AGBL1: variants seen among roughly 807,000 people sequenced by gnomAD.
The protein encoded by AGBL1 is AGBL carboxypeptidase 1.
In AGBL1, 130 loss-of-function variants were observed where a neutral mutation model predicts 118.9. The observed-to-expected ratio is 1.09, with a 90% confidence interval of 0.95 to 1.26. The LOEUF is 1.26. AGBL1 is among the 50% of genes most tolerant of loss of function. The pLI is 0.00. For missense variants in AGBL1, 1,584 were observed against 1,298.1 expected (o/e 1.22, Z -3.38); for synonymous variants, 555 against 478.9 (o/e 1.16, Z -2.08).
chr15:86,655,703 C>A (rs954882926), intron 21 of AGBL1, among the ~76,000 whole-genome samples: 1 of 152,162 alleles, frequency 6.6e-6, no homozygotes, highest in Admixed American at 6.6e-5. Flanking sequence ...TTGCTGTTGT[C>A]ACTTGCTGGG....
intron 23 of AGBL1, chr15:86,939,858 G>C (rs2080725277): frequency 6.8e-6 from 1 of 147,504 alleles, no homozygotes; most frequent in Non-Finnish European, 1.5e-5. Flanking sequence ...CCATGGGAGA[G>C]AATAGAGTAC....
At chr15:86,690,563 G>T (rs913568364) in intron 22 of AGBL1, among the ~76,000 whole-genome samples, 4 of 152,158 alleles carry the variant, frequency 2.6e-5, no homozygotes, top group Non-Finnish European at 5.9e-5. Context: ...AGGTAGGTTT[G>T]AAAAGTGGCA....
At chr15:86,383,674 C>T (rs1448359812) in intron 17 of AGBL1, among the ~76,000 whole-genome samples, 1 of 152,312 alleles carries the variant, frequency 6.6e-6, no homozygotes, top group Non-Finnish European at 1.5e-5. Context: ...TGCCGTTCTT[C>T]GCTGACGTGT....
At chr15:86,328,474 T>C (rs2141856971) in intron 17 of AGBL1, among the ~76,000 whole-genome samples, 1 of 152,310 alleles carries the variant, frequency 6.6e-6, no homozygotes, top group Non-Finnish European at 1.5e-5. Flanking sequence ...TTTTCCAAGA[T>C]GGCAGATTAG....
chr15:86,614,211 C>G (rs945788461), intron 21 of AGBL1, among the ~76,000 whole-genome samples: 1 of 152,218 alleles, frequency 6.6e-6, no homozygotes. Context: ...CTGTTATACT[C>G]TGCCCCTAAT....
intron 22 of AGBL1, among the ~76,000 whole-genome samples, chr15:86,753,711 TCTAA>T (rs745546376): frequency 3.9e-5 from 6 of 152,056 alleles, no homozygotes; most frequent in Non-Finnish European, 7.4e-5. Context: ...AGGCTGTCTT[TCTAA>T]CTGTCAATCA....
intron 19 of AGBL1, among the ~76,000 whole-genome samples, chr15:86,525,913 C>T (rs1263342592): frequency 1.3e-5 from 2 of 152,024 alleles, no homozygotes; most frequent in Non-Finnish European, 2.9e-5. Context: ...AAAGAAATAA[C>T]AGAGTAAACA....
chr15:86,849,694 T>A (rs559034418), intron 22 of AGBL1, among the ~76,000 whole-genome samples: 3 of 152,294 alleles, frequency 2.0e-5, no homozygotes, highest in African/African-American at 7.2e-5. Flanking sequence ...GCTCCAGAAG[T>A]GACAGGCATG....
At chr15:86,105,686 G>C (rs896936513) in intron 1 of AGBL1, among the ~76,000 whole-genome samples, 1 of 152,196 alleles carries the variant, frequency 6.6e-6, no homozygotes. Flanking sequence ...AAACATCTTT[G>C]AATACAACCT....
At chr15:86,660,794 G>C (rs1341397252) in intron 21 of AGBL1, among the ~76,000 whole-genome samples, 1 of 152,066 alleles carries the variant, frequency 6.6e-6, no homozygotes, top group Non-Finnish European at 1.5e-5. Flanking sequence ...TTCTAGCCAT[G>C]CGTAAATCTG....
At chr15:86,587,667 T>A (rs1425854254) in intron 21 of AGBL1, among the ~76,000 whole-genome samples, 2 of 152,206 alleles carry the variant, frequency 1.3e-5, no homozygotes, top group Non-Finnish European at 2.9e-5. Context: ...TAGTATATAT[T>A]TTCTTTAAAA....
intron 22 of AGBL1, among the ~76,000 whole-genome samples, chr15:86,711,199 A>T (rs1171220093): frequency 1.3e-5 from 2 of 152,170 alleles, no homozygotes; most frequent in Admixed American, 1.3e-4. Flanking sequence ...CCTCTCTGTA[A>T]ATACCTGTCC....
chr15:86,291,237 A>G (rs1378694414), intron 16 of AGBL1, among the ~76,000 whole-genome samples: 2 of 152,194 alleles, frequency 1.3e-5, no homozygotes, highest in African/African-American at 2.4e-5. Flanking sequence ...TAGGTTTATT[A>G]GATTATAATC....
intron 18 of AGBL1, among the ~76,000 whole-genome samples, chr15:86,519,322 A>G (rs925265878): frequency 5.3e-5 from 8 of 152,198 alleles, no homozygotes; most frequent in African/African-American, 1.9e-4. Context: ...TTCAGAAATT[A>G]TAGGCACTGA....
chr15:86,808,561 C>T (rs750959018), intron 22 of AGBL1, among the ~76,000 whole-genome samples: 16 of 151,452 alleles, frequency 1.1e-4, no homozygotes, highest in Non-Finnish European at 2.9e-5. Context: ...CTTTATCTTT[C>T]CTTCCTCCCC....
intron 21 of AGBL1, among the ~76,000 whole-genome samples, chr15:86,607,081 A>G (rs1210957651): frequency 1.3e-5 from 2 of 152,154 alleles, no homozygotes; most frequent in Non-Finnish European, 2.9e-5. Context: ...GCCTTTTCAG[A>G]TTGGCTTCTT....
intron 15 of AGBL1, among the ~76,000 whole-genome samples, chr15:86,273,862 C>T (rs970659813): frequency 6.6e-6 from 1 of 152,258 alleles, no homozygotes; most frequent in East Asian, 1.9e-4. Context: ...AAAAAGGAGA[C>T]TCAGAAGAAA....
At chr15:86,654,176 G>A (rs1464431036) in intron 21 of AGBL1, among the ~76,000 whole-genome samples, 1 of 152,060 alleles carries the variant, frequency 6.6e-6, no homozygotes, top group Non-Finnish European at 1.5e-5. Flanking sequence ...TGAAAAAGGG[G>A]TAGAAAAAGG....
chr15:86,085,141 T>C (rs957672665), intron 1 of AGBL1, among the ~76,000 whole-genome samples: 3 of 152,250 alleles, frequency 2.0e-5, no homozygotes, highest in Admixed American at 1.3e-4. Context: ...ATGAATGCCA[T>C]GGTAAAGGTA....
Sources: allele counts gnomAD v4.1 joint callset (sites outside exome capture counted in the v4.1 genomes callset), GRCh38; gene constraint gnomAD v4.1.1; transcripts MANE v1.5; gene names NCBI Gene and HGNC (gene_info 2026-07-23, HGNC 2026-07-21).